Variants in FNBP1 observed in about 807,000 individuals in gnomAD.
The protein encoded by FNBP1 is formin-binding protein 1.
Under a neutral mutation model 90.6 loss-of-function variants are expected in FNBP1, and 26 were observed. The observed-to-expected ratio is 0.29, with a 90% CI of 0.21 to 0.40. FNBP1 has a LOEUF of 0.40. Among genes scored for constraint, FNBP1 ranks in the 10% least tolerant of loss-of-function variants. The pLI is 1.00. For missense variants in FNBP1, 635 were observed against 768.0 expected (o/e 0.83, Z 2.05); for synonymous variants, 260 against 265.2 (o/e 0.98, Z 0.19).
chr9:130,030,429 C>T (rs1251390390), intron 1 of FNBP1, among the ~76,000 whole-genome samples: 7 of 67,454 alleles, frequency 1.0e-4, no homozygotes, highest in Non-Finnish European at 1.8e-4. Context: ...AGCAAGACTC[C>T]GTCTCCAAAA....
chr9:130,039,690 AAAAG>A (rs1397863597), intron 1 of FNBP1, among the ~76,000 whole-genome samples: 1 of 152,014 alleles, frequency 6.6e-6, no homozygotes, highest in African/African-American at 2.4e-5. Context: ...AAAAAAAAAA[AAAAG>A]AAAGTTTATT....
At chr9:129,917,977 A>T (rs1188838853) in intron 10 of FNBP1, among the ~76,000 whole-genome samples, 1 of 152,218 alleles carries the variant, frequency 6.6e-6, no homozygotes, top group Non-Finnish European at 1.5e-5. Context: ...ATTTTCTCAC[A>T]CATTATTGTC....
At chr9:130,017,886 T>C (rs1468402308) in intron 1 of FNBP1, among the ~76,000 whole-genome samples, 3 of 150,684 alleles carry the variant, frequency 2.0e-5, no homozygotes, top group African/African-American at 7.3e-5. Flanking sequence ...TTTTTTTTTT[T>C]TTTTTTACCT....
At chr9:129,951,208 C>T (rs764853451) in intron 6 of FNBP1, among the ~76,000 whole-genome samples, 13 of 151,870 alleles carry the variant, frequency 8.6e-5, no homozygotes, top group Non-Finnish European at 8.8e-5. Context: ...CCACCTGCCT[C>T]GGCCTCCCAT....
intron 2 of FNBP1, among the ~76,000 whole-genome samples, chr9:129,988,097 T>C (rs555023296): frequency 6.6e-6 from 1 of 152,068 alleles, no homozygotes; most frequent in South Asian, 2.1e-4. Flanking sequence ...AGTTGTTAAG[T>C]AGCAAATTGA....
chr9:129,893,612 CAAAAAAAAAAAAA>C (rs1216398298), intron 16 of FNBP1, among the ~76,000 whole-genome samples: 4 of 22,308 alleles, frequency 1.8e-4, no homozygotes, highest in African/African-American at 6.7e-4. Context: ...GACTCTGTCT[CAAAAAAAAAAAAA>C]AAAAAAAAAA....
At chr9:129,902,839 A>G (rs765470977) in intron 13 of FNBP1, 30 bp downstream of exon 13, 2 of 1,611,030 alleles carry the variant, frequency 1.2e-6, no homozygotes, top group South Asian at 1.1e-5. Flanking sequence ...TTCGTTTCCA[A>G]CAAAGCTTTC....
At chr9:129,895,001 A>G (rs573485281) in intron 16 of FNBP1, among the ~76,000 whole-genome samples, 2 of 152,314 alleles carry the variant, frequency 1.3e-5, no homozygotes, top group East Asian at 3.9e-4. Flanking sequence ...CGGAGGTTGC[A>G]GTGAGCCACT....
intron 10 of FNBP1, among the ~76,000 whole-genome samples, chr9:129,918,176 G>T (rs1442978641): frequency 6.6e-6 from 1 of 152,200 alleles, no homozygotes; most frequent in Non-Finnish European, 1.5e-5. Context: ...GGATTGAACA[G>T]AAATCCCCAT....
At chr9:130,053,833 G>A in the FNBP1 span, 1 of 1,173,448 alleles carries the variant, frequency 8.5e-7, no homozygotes, top group Non-Finnish European at 1.2e-6. Context: ...GGTCAGCGGA[G>A]CTAGCCGCCG....
rs1374178950 is a variant in FNBP1 at position 129,888,187 on chromosome 9, G to C, written c.*2352C>G. The C allele has an allele frequency of 1.3e-5, 3 of 232,800 alleles. No homozygotes were observed. Among genetic ancestry groups the C allele is most frequent in the Non-Finnish European group, 2.5e-5 (3 of 117,822 alleles). 14.4% of individuals were successfully genotyped at this position (232,800 alleles called of 1,614,324 possible). ...GTCATTCAAAGAGCAAATTACTGCA[G>C]CTTATATCTTTTCCACTATGTTGCA... is the stretch of plus-strand genomic sequence containing the variant. On this transcript the variant is annotated 3_prime_UTR_variant, in exon 17 of 17. Coordinates refer to ENST00000446176, the MANE Select transcript of FNBP1 (RefSeq NM_015033.3).
chr9:129,906,739 C>T (rs1004410925), intron 12 of FNBP1, among the ~76,000 whole-genome samples: 7 of 151,988 alleles, frequency 4.6e-5, no homozygotes, highest in African/African-American at 1.7e-4. Context: ...TGTATTAGGT[C>T]AATGTTACTA....
chr9:130,049,902 G>A, the FNBP1 span, among the ~76,000 whole-genome samples: 2 of 151,884 alleles, frequency 1.3e-5, no homozygotes, highest in Non-Finnish European at 2.9e-5. Context: ...TTTTTAGAGA[G>A]GTCTTGCTCT....
At chr9:129,891,484 A>G (rs1166842642) in intron 16 of FNBP1, among the ~76,000 whole-genome samples, 1 of 152,152 alleles carries the variant, frequency 6.6e-6, no homozygotes, top group Non-Finnish European at 1.5e-5. Flanking sequence ...AAGAAAAGAA[A>G]AGAAATGCAT....
chr9:129,899,797 A>G (rs1023499438), intron 15 of FNBP1, among the ~76,000 whole-genome samples, 168 bp downstream of exon 15: 4 of 133,424 alleles, frequency 3.0e-5, no homozygotes, highest in Non-Finnish European at 6.3e-5. Context: ...AAGGGAAGGA[A>G]GGAAGGGGAA....
rs1427538637 is a variant in FNBP1 at position 129,896,012 on chromosome 9, C to T, written c.1688-16G>A. 5.0e-6 allele frequency: 8 copies of T among 1,602,694 alleles called. No homozygotes were observed. The highest frequency in any genetic ancestry group is 6.0e-6 in the Non-Finnish European group (7 of 1,175,602). ...TCATTCTGACCTGAAAAAGCAATAT[C>T]AGGATATGTTAGATGTCTTGGCAAA... On this transcript the variant is annotated splice_polypyrimidine_tract_variant and intron_variant, in intron 15 of 16. Transcript: ENST00000446176.
intron 6 of FNBP1, among the ~76,000 whole-genome samples, chr9:129,943,668 T>C (rs1342870804): frequency 6.6e-6 from 1 of 152,068 alleles, no homozygotes; most frequent in Non-Finnish European, 1.5e-5. Flanking sequence ...ATTACAGGCA[T>C]GAGCCACTGC....
In FNBP1 at chr9:129,916,680, A is replaced by G. The variant is rs1353456330; in HGVS notation, c.1171-700T>C. 2.6e-5 allele frequency among the ~76,000 whole-genome samples: 4 copies of G among 152,094 alleles called. No homozygotes were observed. In the South Asian group the frequency reaches 8.3e-4, roughly 31 times the overall value. On this transcript the variant is annotated intron_variant, in intron 10 of 16. Transcript: ENST00000446176. ...CAACCTTTTGTTCTCCAAATTTCCC[A>G]TGGAAAGTTTTATACAGACGAAAAC...
At chr9:129,910,052 C>G in intron 11 of FNBP1, 1 of 434,188 alleles carries the variant, frequency 2.3e-6, no homozygotes, top group East Asian at 7.2e-5. Flanking sequence ...AGCAGCTGCT[C>G]TCTTTACACT....
Sources: allele counts gnomAD v4.1 joint callset (sites outside exome capture counted in the v4.1 genomes callset), GRCh38; gene constraint gnomAD v4.1.1; transcripts MANE v1.5; gene names NCBI Gene and HGNC (gene_info 2026-07-23, HGNC 2026-07-21).